The following TECRL variants were observed in gnomAD, a reference collection of about 807,000 sequenced individuals.
TECRL encodes trans-2,3-enoyl-CoA reductase-like.
In TECRL, 63 loss-of-function variants were observed where a neutral mutation model predicts 52.8. The ratio of observed to expected loss-of-function variants is 1.19; its 90% CI spans 0.97 to 1.47. The LOEUF is 1.47. TECRL is among the 40% of genes most tolerant of loss of function. The pLI, the probability that TECRL is intolerant of heterozygous loss-of-function variation, is 0.00. For synonymous variants in TECRL, 164 were observed against 141.9 expected (o/e 1.16, Z -1.10); for missense variants, 482 against 429.6 (o/e 1.12, Z -1.08).
At chr4:64,349,479 C>G (rs1312776725) in intron 2 of TECRL, among the ~76,000 whole-genome samples, 1 of 152,086 alleles carries the variant, frequency 6.6e-6, no homozygotes, top group East Asian at 1.9e-4. Flanking sequence ...TTGCTTTGAT[C>G]TTGCTTTGAA....
intron 2 of TECRL, among the ~76,000 whole-genome samples, chr4:64,338,203 T>C (rs1409547199): frequency 6.6e-6 from 1 of 152,122 alleles, no homozygotes; most frequent in African/African-American, 2.4e-5. Context: ...ATTTAACAAA[T>C]GGTGCTGGGA....
chr4:64,396,150 G>T (rs1369633028), intron 1 of TECRL, among the ~76,000 whole-genome samples: 2 of 152,000 alleles, frequency 1.3e-5, no homozygotes, highest in East Asian at 1.9e-4. Flanking sequence ...GCATGTATTT[G>T]TCTTTCTAGT....
At position 64,320,456 on chromosome 4, in the gene TECRL, C is replaced by A. The variant is rs531463976; in HGVS notation, c.435+2233G>T. ...TATTTTTAGCATTTAATAGAACTGACTCATTTGGAGCAAAAAGATGTGTGA... is the reference window on the plus strand; with the variant it reads ...TATTTTTAGCATTTAATAGAACTGAATCATTTGGAGCAAAAAGATGTGTGA... On this transcript the variant is annotated intron_variant, in intron 4 of 11. Coordinates refer to ENST00000381210, the MANE Select transcript of TECRL (RefSeq NM_001010874.5). Among the ~76,000 whole-genome samples, 5 of 151,970 alleles carry A rather than the reference C, an allele frequency of 3.3e-5. No individual in the cohort carries two copies. The East Asian group carries it at 5.8e-4, about 18-fold the overall frequency.
intron 2 of TECRL, among the ~76,000 whole-genome samples, chr4:64,361,691 G>T (rs955115547): frequency 6.8e-6 from 1 of 147,926 alleles, no homozygotes; most frequent in Non-Finnish European, 1.5e-5. Flanking sequence ...GGTCACCAAA[G>T]AACACAAAAG....
At chr4:64,304,595 A>G (rs1389328918) in intron 7 of TECRL, among the ~76,000 whole-genome samples, 1 of 152,074 alleles carries the variant, frequency 6.6e-6, no homozygotes, top group Non-Finnish European at 1.5e-5. Flanking sequence ...TGAAGAGAGA[A>G]AAGTCCACAT....
chr4:64,309,581 A>C (rs915812778), intron 6 of TECRL, among the ~76,000 whole-genome samples: 4 of 152,160 alleles, frequency 2.6e-5, no homozygotes, highest in African/African-American at 9.7e-5. Context: ...CCAAAATTAA[A>C]AGATTCCTAG....
intron 2 of TECRL, among the ~76,000 whole-genome samples, chr4:64,354,575 G>T (rs1224776724): frequency 6.6e-6 from 1 of 152,164 alleles, no homozygotes; most frequent in African/African-American, 2.4e-5. Flanking sequence ...CAAATTCGCT[G>T]GAGGGGCATG....
At chr4:64,383,844 G>T (rs1722987953) in intron 1 of TECRL, among the ~76,000 whole-genome samples, 1 of 151,788 alleles carries the variant, frequency 6.6e-6, no homozygotes, top group African/African-American at 2.4e-5. Context: ...CAGATCTGAT[G>T]TAACAGTTGC....
intron 1 of TECRL, among the ~76,000 whole-genome samples, chr4:64,404,899 GT>G (rs1193350448): frequency 2.0e-5 from 3 of 152,034 alleles, no homozygotes; most frequent in African/African-American, 7.2e-5. Flanking sequence ...CATGAATGCT[GT>G]GTCAAATTCA....
chr4:64,341,620 C>T (rs999687881), intron 2 of TECRL, among the ~76,000 whole-genome samples: 1 of 152,004 alleles, frequency 6.6e-6, no homozygotes, highest in African/African-American at 2.4e-5. Context: ...AAAAATGGGG[C>T]TAAAACATCC....
chr4:64,282,043 A>G (rs138900836), intron 9 of TECRL, among the ~76,000 whole-genome samples: 21 of 152,066 alleles, frequency 1.4e-4, no homozygotes, highest in Admixed American at 1.3e-3. Flanking sequence ...GATGTCATTT[A>G]TACCAGAAAA....
intron 2 of TECRL, among the ~76,000 whole-genome samples, chr4:64,332,568 A>G (rs2110053913): frequency 6.6e-6 from 1 of 152,350 alleles, no homozygotes; most frequent in African/African-American, 2.4e-5. Context: ...AAGGTATTAT[A>G]GAGATTCACC....
intron 8 of TECRL, among the ~76,000 whole-genome samples, chr4:64,297,072 AC>A (rs1366807409): frequency 6.6e-6 from 1 of 151,530 alleles, no homozygotes; most frequent in African/African-American, 2.4e-5. Flanking sequence ...AGAATTTTCC[AC>A]CAAATAGGAA....
At chr4:64,379,364 A>C (rs1293602889) in intron 1 of TECRL, among the ~76,000 whole-genome samples, 3 of 151,956 alleles carry the variant, frequency 2.0e-5, no homozygotes, top group African/African-American at 4.8e-5. Flanking sequence ...ATATCTAATA[A>C]CTATACATAT....
intron 2 of TECRL, among the ~76,000 whole-genome samples, chr4:64,345,129 C>A (rs1249761642): frequency 6.6e-6 from 1 of 152,130 alleles, no homozygotes; most frequent in Non-Finnish European, 1.5e-5. Context: ...CTAGTTCAAC[C>A]ATTGTGGAAG....
chr4:64,408,122 C>T (rs6836944), intron 1 of TECRL, among the ~76,000 whole-genome samples: 2,229 of 151,724 alleles, frequency 0.015, 49 homozygotes, highest in African/African-American at 0.05. Flanking sequence ...TTATAAACTG[C>T]TCATAGTGTT....
intron 1 of TECRL, among the ~76,000 whole-genome samples, chr4:64,380,795 T>C (rs1020594798): frequency 4.6e-5 from 7 of 152,138 alleles, no homozygotes; most frequent in Non-Finnish European, 8.8e-5. Context: ...TTGGTTACTA[T>C]AGCTTTGAAG....
chr4:64,372,141 G>A (rs1722018547), intron 2 of TECRL, among the ~76,000 whole-genome samples: 2 of 151,686 alleles, frequency 1.3e-5, no homozygotes. Flanking sequence ...TGATATAAAG[G>A]TACATTAGCG....
chr4:64,325,912 C>A (rs1233396564), intron 3 of TECRL, among the ~76,000 whole-genome samples: 2 of 152,014 alleles, frequency 1.3e-5, no homozygotes, highest in Non-Finnish European at 2.9e-5. Flanking sequence ...CGTTCAGACT[C>A]AAGAAAAAGG....
Sources: gnomAD v4.1 joint callset for allele counts (sites outside exome capture counted in the v4.1 genomes callset) on GRCh38, gnomAD v4.1.1 for gene constraint, MANE v1.5 for transcripts, NCBI Gene and HGNC (gene_info 2026-07-23, HGNC 2026-07-21) for gene names.